Variants in CNTNAP2 observed in about 807,000 individuals in gnomAD.
CNTNAP2 encodes the protein contactin-associated protein-like 2.
CNTNAP2 carries 98 observed loss-of-function variants against 155.2 expected under a neutral mutation model. That is an observed-to-expected ratio of 0.63 (90% CI 0.54 to 0.75). The LOEUF is 0.75. CNTNAP2 is among the 30% of genes least tolerant of loss of function. The probability of loss-of-function intolerance (pLI) is 0.00; values close to 1 mark genes in which losing one functional copy is unlikely to be tolerated. For synonymous variants in CNTNAP2, 651 were observed against 631.2 expected, an observed-to-expected ratio of 1.03 and a Z score of -0.47; for missense variants, 1,727 against 1,688.1, an observed-to-expected ratio of 1.02 and a Z score of -0.40.
chr7:148,217,525 G>T lies in CNTNAP2; in HGVS notation c.3247+1G>T. 1 of 1,613,834 alleles carries T rather than the reference G, an allele frequency of 6.2e-7. No homozygotes were observed. Among genetic ancestry groups the T allele is most frequent in the Non-Finnish European group, 8.5e-7 (1 of 1,179,746 alleles). ...TTGGCAGTCCTCGTCAAACCCACTG[G>T]TAAGGACAAGGATACCCAGCCTCTG... On this transcript the variant is annotated splice_donor_variant, in intron 19 of 23. Coordinates refer to ENST00000361727, the MANE Select transcript of CNTNAP2 (RefSeq NM_014141.6). LOFTEE classifies it high-confidence loss of function.
chr7:146,884,296 T>A (rs1269710446), intron 3 of CNTNAP2, among the ~76,000 whole-genome samples: 1 of 152,164 alleles, frequency 6.6e-6, no homozygotes, highest in Non-Finnish European at 1.5e-5. Context: ...AGTTCAAATT[T>A]GTGTGTGAGG....
chr7:146,296,795 C>T (rs1800521263), intron 1 of CNTNAP2, among the ~76,000 whole-genome samples: 1 of 151,774 alleles, frequency 6.6e-6, no homozygotes, highest in Non-Finnish European at 1.5e-5. Flanking sequence ...TACCGAGATC[C>T]AGATGAAATG....
chr7:148,394,421 T>C (rs1799419884), intron 22 of CNTNAP2, among the ~76,000 whole-genome samples: 1 of 152,224 alleles, frequency 6.6e-6, no homozygotes. Flanking sequence ...ATTATCACAT[T>C]TAGTGGCTCA....
At chr7:146,245,518 C>T (rs935285232) in intron 1 of CNTNAP2, among the ~76,000 whole-genome samples, 13 of 152,094 alleles carry the variant, frequency 8.5e-5, no homozygotes, top group East Asian at 3.9e-4. Flanking sequence ...CAGTTGTTTG[C>T]GCAGAAAGGC....
chr7:146,850,093 A>G (rs10238333), intron 3 of CNTNAP2, among the ~76,000 whole-genome samples: 5,574 of 152,264 alleles, frequency 0.037, 335 homozygotes, highest in African/African-American at 0.12. Context: ...CTTGAGTTAA[A>G]TAGCTTAATT....
rs182725130 is a variant in CNTNAP2, at chr7:146,664,256, A to C, written c.98-110015A>C. Among the ~76,000 whole-genome samples, 64 of 136,214 alleles carry C rather than the reference A, an allele frequency of 4.7e-4. 1 individual carries two copies. The Middle Eastern group carries it at 0.014, about 29-fold the overall frequency. The allele number at this position is 136,214 out of a possible 152,430, so 89.4% of individuals were successfully genotyped here. ...GGGTCACTGCAACCTCCGCCTCCGG[A>C]GTTCAAGTGATTCTCGTGCCTCATC... On this transcript the variant is annotated intron_variant, in intron 1 of 23. Transcript: ENST00000361727.
chr7:146,394,346 A>T (rs776560439), intron 1 of CNTNAP2, among the ~76,000 whole-genome samples: 5 of 152,170 alleles, frequency 3.3e-5, no homozygotes, highest in Non-Finnish European at 7.4e-5. Flanking sequence ...TACATGGAAG[A>T]TAAGACAGGC....
intron 17 of CNTNAP2, among the ~76,000 whole-genome samples, chr7:148,160,933 C>T (rs941808938): frequency 2.6e-5 from 4 of 152,174 alleles, no homozygotes; most frequent in African/African-American, 4.8e-5. Flanking sequence ...TTCTACCCTC[C>T]GTAATTCTTG....
chr7:146,684,967 A>T (rs558397690), intron 1 of CNTNAP2, among the ~76,000 whole-genome samples: 1 of 152,176 alleles, frequency 6.6e-6, no homozygotes, highest in African/African-American at 2.4e-5. Flanking sequence ...ATGTTACATA[A>T]ATCTTACTGA....
intron 1 of CNTNAP2, among the ~76,000 whole-genome samples, chr7:146,673,429 A>G (rs1478527950): frequency 3.9e-5 from 6 of 152,210 alleles, no homozygotes; most frequent in Non-Finnish European, 8.8e-5. Context: ...ATGTTGAATT[A>G]AGTTTAGCCT....
At chr7:146,332,933 C>A (rs1180687205) in intron 1 of CNTNAP2, among the ~76,000 whole-genome samples, 1 of 138,816 alleles carries the variant, frequency 7.2e-6, no homozygotes, top group Non-Finnish European at 1.6e-5. Context: ...TCTTCTTTTT[C>A]TTCTTCTATT....
In CNTNAP2 at chr7:147,132,490, C is replaced by A. The variant is rs779881849; in HGVS notation, c.1329C>A (p.Ser443Arg). 3.7e-6 allele frequency: 6 copies of A among 1,613,402 alleles called. No individual in the cohort carries two copies. The highest frequency in any genetic ancestry group is 1.1e-5 in the South Asian group (1 of 91,078). ...TCAACATCACACAGACCAAGATGAG[C>A]CAAATCGATATTTCCTCAGGTCAGT... ...VHINITQTKM[S>R]QIDISSGSGL... The change falls in exon 8 of 24, where the codon AGC (serine) becomes AGA (arginine). Residue 443 changes from serine (S) to arginine (R), a missense_variant. Transcript: ENST00000361727.
Position 146,614,977 on chromosome 7 carries a change from AAAG to A in CNTNAP2, c.98-159293_98-159291del, listed in dbSNP as rs556576074. On this transcript the variant is annotated intron_variant, in intron 1 of 23. Coordinates refer to ENST00000361727, the MANE Select transcript of CNTNAP2 (RefSeq NM_014141.6). The stretch of plus-strand genomic sequence containing the variant: ...TACATATAATAAAAGAAGGCAAAAA[AAAG>A]CTTTTGAAAAAAGAAAATATACTGG... 2.0e-3 allele frequency among the ~76,000 whole-genome samples: 300 copies of A among 152,338 alleles called. 1 individual carries two copies. Among genetic ancestry groups the A allele is most frequent in the Non-Finnish European group, 3.4e-3 (234 of 68,020 alleles).
intron 1 of CNTNAP2, among the ~76,000 whole-genome samples, chr7:146,687,821 CTGT>C (rs1418629288): frequency 2.6e-5 from 4 of 152,150 alleles, no homozygotes; most frequent in African/African-American, 9.7e-5. Context: ...TTTGCAAGAT[CTGT>C]TGTTTATAGG....
chr7:147,084,029 AATAC>A (rs1446398489), intron 4 of CNTNAP2, among the ~76,000 whole-genome samples: 1 of 131,902 alleles, frequency 7.6e-6, no homozygotes, highest in Non-Finnish European at 1.5e-5. Flanking sequence ...ATGTATATAT[AATAC>A]ATATATGCAT....
At chr7:147,220,010 C>G (rs1036604132) in intron 8 of CNTNAP2, among the ~76,000 whole-genome samples, 2 of 145,942 alleles carry the variant, frequency 1.4e-5, no homozygotes, top group South Asian at 4.3e-4. Context: ...AGGATGGTCT[C>G]TATCTCCTGA....
intron 3 of CNTNAP2, among the ~76,000 whole-genome samples, chr7:146,860,955 A>G (rs2129205129): frequency 6.6e-6 from 1 of 152,302 alleles, no homozygotes; most frequent in East Asian, 1.9e-4. Flanking sequence ...TATCACTGAT[A>G]GAACACAAAT....
intron 2 of CNTNAP2, among the ~76,000 whole-genome samples, chr7:146,779,563 G>C (rs956811352): frequency 2.0e-5 from 3 of 152,206 alleles, no homozygotes; most frequent in African/African-American, 7.2e-5. Context: ...TATAGCCAGA[G>C]AAACCCAGTC....
intron 1 of CNTNAP2, among the ~76,000 whole-genome samples, chr7:146,256,767 A>G (rs1230776508): frequency 1.3e-5 from 2 of 152,092 alleles, no homozygotes; most frequent in Non-Finnish European, 2.9e-5. Flanking sequence ...CAATGCAGAT[A>G]TTTCCTTCAA....
Sources: allele counts gnomAD v4.1 joint callset (sites outside exome capture counted in the v4.1 genomes callset), GRCh38; gene constraint gnomAD v4.1.1; transcripts MANE v1.5; gene names NCBI Gene and HGNC (gene_info 2026-07-23, HGNC 2026-07-21).